Variants in SGK1 observed in about 807,000 individuals in gnomAD.
The protein encoded by SGK1 is serine/threonine-protein kinase Sgk1.
SGK1 carries 26 observed loss-of-function variants against 64.2 expected under a neutral mutation model. The ratio of observed to expected loss-of-function variants is 0.40; its 90% confidence interval spans 0.30 to 0.56. SGK1 has a LOEUF of 0.56. Among genes scored for constraint, SGK1 ranks in the 20% least tolerant of loss-of-function variants. The pLI is 0.38. For missense variants in SGK1, 519 were observed against 645.6 expected (o/e 0.80, Z 2.12); for synonymous variants, 265 against 239.7 (o/e 1.11, Z -0.98).
At chr6:134,265,584 CATATATACATATACATATATATTTTAT>C (rs1228145106) in intron 1 of SGK1, among the ~76,000 whole-genome samples, 8 of 143,444 alleles carry the variant, frequency 5.6e-5, no homozygotes, top group Non-Finnish European at 9.0e-5. Context: ...TATACATATA[CATATATACATATACATATATATTTTAT>C]ATATATACAT....
At chr6:134,265,225 C>T (rs1382722943) in intron 1 of SGK1, among the ~76,000 whole-genome samples, 3 of 151,848 alleles carry the variant, frequency 2.0e-5, no homozygotes, top group East Asian at 1.9e-4. Context: ...TTTGGGAGGT[C>T]GAGGCAGGCA....
chr6:134,195,616 T>C (rs1430906191), intron 3 of SGK1, among the ~76,000 whole-genome samples: 2 of 152,192 alleles, frequency 1.3e-5, no homozygotes, highest in Non-Finnish European at 2.9e-5. Context: ...ATCCTTGAAC[T>C]TGGAACCATC....
At chr6:134,171,283 T>G in intron 11 of SGK1, 105 bp from the exon 12 acceptor site, 1 of 1,056,622 alleles carries the variant, frequency 9.5e-7, no homozygotes, top group Non-Finnish European at 1.4e-6. Context: ...AGGCTCGATT[T>G]GAGAAACTCT....
intron 3 of SGK1, among the ~76,000 whole-genome samples, chr6:134,204,812 C>A (rs925238247): frequency 2.6e-5 from 4 of 152,152 alleles, no homozygotes; most frequent in Non-Finnish European, 5.9e-5. Context: ...CCTTGGCCCC[C>A]CAAAGTGCTG....
At chr6:134,202,949 G>A (rs1411884953) in intron 3 of SGK1, among the ~76,000 whole-genome samples, 1 of 152,092 alleles carries the variant, frequency 6.6e-6, no homozygotes, top group Non-Finnish European at 1.5e-5. Flanking sequence ...AAAATTTAAA[G>A]TCATTTATTC....
At chr6:134,244,631 T>A (rs1361392121) in intron 2 of SGK1, among the ~76,000 whole-genome samples, 1 of 152,068 alleles carries the variant, frequency 6.6e-6, no homozygotes, top group Admixed American at 6.6e-5. Flanking sequence ...CTGCTCGCCC[T>A]CCATGGGCTG....
At chr6:134,259,522 T>C (rs1043544628) in intron 2 of SGK1, among the ~76,000 whole-genome samples, 3 of 151,876 alleles carry the variant, frequency 2.0e-5, no homozygotes, top group African/African-American at 4.8e-5. Context: ...CAGATGCCTG[T>C]AATCCCGGCT....
intron 3 of SGK1, among the ~76,000 whole-genome samples, chr6:134,190,790 A>G (rs1322401847): frequency 6.6e-6 from 1 of 152,238 alleles, no homozygotes; most frequent in Non-Finnish European, 1.5e-5. Context: ...CATTACAAAT[A>G]TTAGAAAGTA....
intron 1 of SGK1, among the ~76,000 whole-genome samples, chr6:134,284,852 G>T (rs1777156860): frequency 6.6e-6 from 1 of 152,098 alleles, no homozygotes; most frequent in Admixed American, 6.6e-5. Context: ...CCAAGTTGTG[G>T]CAAAAGACAT....
chr6:134,303,981 T>G (rs749453627), intron 1 of SGK1, among the ~76,000 whole-genome samples: 2 of 152,304 alleles, frequency 1.3e-5, no homozygotes, highest in Non-Finnish European at 2.9e-5. Flanking sequence ...GACTCGGCCT[T>G]ATGAGATCGT....
chr6:134,169,308 A>T lies in SGK1; in HGVS notation c.*960T>A, dbSNP rs1582676010. The stretch of plus-strand genomic sequence containing the variant: ...AAATCAGTTTATCACACACAAAAAA[A>T]GTTGTGTGATGGGATGAGGGAAGGA... On this transcript the variant is annotated 3_prime_UTR_variant, in exon 14 of 14. Transcript: ENST00000367858. The T allele has an allele frequency of 6.6e-6, 1 of 152,644 alleles. No individual in the cohort carries two copies. The highest frequency in any genetic ancestry group is 2.4e-5 in the African/African-American group (1 of 41,454). The allele number at this position is 152,644 out of a possible 1,614,324, so 9.5% of individuals were successfully genotyped here.
intron 1 of SGK1, among the ~76,000 whole-genome samples, chr6:134,306,809 G>A (rs1270395035): frequency 6.7e-6 from 1 of 149,448 alleles, no homozygotes; most frequent in Non-Finnish European, 1.5e-5. Flanking sequence ...GCTCGACCTG[G>A]AAGCTTATGA....
intron 3 of SGK1, among the ~76,000 whole-genome samples, chr6:134,183,047 C>A (rs908205192): frequency 6.6e-6 from 1 of 152,076 alleles, no homozygotes; most frequent in Non-Finnish European, 1.5e-5. Flanking sequence ...ACTTATCGTG[C>A]TTTTTCTAGG....
At chr6:134,178,759 T>C (rs1299041266) in intron 3 of SGK1, among the ~76,000 whole-genome samples, 1 of 152,168 alleles carries the variant, frequency 6.6e-6, no homozygotes, top group Non-Finnish European at 1.5e-5. Context: ...CTACAACACC[T>C]TGTGCAGTCA....
intron 2 of SGK1, among the ~76,000 whole-genome samples, chr6:134,224,665 C>T (rs1436103849): frequency 6.6e-6 from 1 of 152,100 alleles, no homozygotes; most frequent in Non-Finnish European, 1.5e-5. Context: ...CTGCAAGTGT[C>T]CTTTCTCTTT....
At chr6:134,248,445 C>CTTTT (rs34315643) in intron 2 of SGK1, among the ~76,000 whole-genome samples, 4 of 103,036 alleles carry the variant, frequency 3.9e-5, no homozygotes, top group Non-Finnish European at 5.4e-5. Context: ...TCTCCTCCGC[C>CTTTT]TTTTTTTTTT....
At chr6:134,224,886 T>G in intron 2 of SGK1, among the ~76,000 whole-genome samples, 1 of 150,654 alleles carries the variant, frequency 6.6e-6, no homozygotes. Flanking sequence ...CCAGGCGTGG[T>G]AGCACATGCC....
At chr6:134,273,645 G>T (rs532040261) in intron 1 of SGK1, among the ~76,000 whole-genome samples, 153 of 143,582 alleles carry the variant, frequency 1.1e-3, no homozygotes, top group African/African-American at 3.9e-3. Context: ...GAAGCCAGGT[G>T]AAGAGAAATG....
In SGK1 at chr6:134,169,578, C is replaced by T. The variant is rs1479037855; in HGVS notation, c.*690G>A. ...AACTGGGGCATTGGTCCATAAAAAC[C>T]CTTTCTAAAAATAGAAATATTTGTA... is the stretch of plus-strand genomic sequence containing the variant. On this transcript the variant is annotated 3_prime_UTR_variant, in exon 14 of 14. Transcript: ENST00000367858. 1 of 152,570 alleles carries T rather than the reference C, an allele frequency of 6.6e-6. No individual in the cohort carries two copies. The highest frequency in any genetic ancestry group is 6.5e-5 in the Admixed American group (1 of 15,278). 9.5% of individuals were successfully genotyped at this position (152,570 alleles called of 1,614,324 possible). A position where few individuals can be genotyped will look rare whatever the true frequency, so the allele number is the denominator to read the frequency against.
Sources: allele counts gnomAD v4.1 joint callset (sites outside exome capture counted in the v4.1 genomes callset), GRCh38; gene constraint gnomAD v4.1.1; transcripts MANE v1.5; gene names NCBI Gene and HGNC (gene_info 2026-07-23, HGNC 2026-07-21).